The following REM2 variants were observed in gnomAD, a reference collection of about 807,000 sequenced individuals.
REM2 encodes the protein RRAD and GEM like GTPase 2.
Under a neutral mutation model 24.4 loss-of-function variants are expected in REM2, and 24 were observed. That is an observed-to-expected ratio of 0.98 (90% CI 0.71 to 1.38). REM2 has a LOEUF of 1.38. Ranked by LOEUF, REM2 falls within the 40% of genes most tolerant of loss-of-function variation. The pLI is 0.00. For synonymous variants in REM2, 187 were observed against 198.0 expected, an observed-to-expected ratio of 0.94 and a Z score of 0.47; for missense variants, 429 against 467.8, an observed-to-expected ratio of 0.92 and a Z score of 0.77.
At chr14:22,885,157 G>A (rs1454833083) in intron 2 of REM2, 109 bp from the exon 3 acceptor site, 2 of 1,365,228 alleles carry the variant, frequency 1.5e-6, no homozygotes, top group East Asian at 2.3e-5. Context: ...TCCCTGAAGA[G>A]GGGCAGGGTT....
Position 22,885,217 on chromosome 14 carries a change from T to C in REM2, c.446-49T>C, listed in dbSNP as rs375658016. ...CCCTGGTTACCAGGTCTCACAAATGTTGGGAAACCTCCTAATGGACTTTAT... is the reference window on the plus strand; with the variant it reads ...CCCTGGTTACCAGGTCTCACAAATGCTGGGAAACCTCCTAATGGACTTTAT... On this transcript the variant is annotated intron_variant, in intron 2 of 4. Coordinates refer to ENST00000267396, the MANE Select transcript of REM2 (RefSeq NM_173527.3). 49 of 1,553,840 alleles carry C rather than the reference T, an allele frequency of 3.2e-5. No individual in the cohort carries two copies. In the African/African-American group the frequency reaches 6.2e-4, roughly 20 times the overall value.
In REM2 at chr14:22,886,116, CA is replaced by C. The variant is rs1029117616; in HGVS notation, c.615del (p.Val206PhefsTer46). 6.2e-7 allele frequency: 1 copy of C among 1,613,882 alleles called. No individual in the cohort carries two copies. Among genetic ancestry groups the C allele is most frequent in the African/African-American group, 1.3e-5 (1 of 74,918 alleles). Reference sequence around the variant, plus strand: ...CAGTCACCGACCGACGGAGTTTCTCCAAAGTTCCAGAGACCCTACTTCGGCT... The same window carrying C: ...CAGTCACCGACCGACGGAGTTTCTCCAAGTTCCAGAGACCCTACTTCGGCT... ...FSVTDRRSFS[K>X]VPETLLRLRA... On this transcript the variant is annotated frameshift_variant, in exon 4 of 5. Coordinates refer to ENST00000267396, the MANE Select transcript of REM2 (RefSeq NM_173527.3). LOFTEE classifies it high-confidence loss of function. This position sits in a 1 kb window ranked among gnomAD's most constrained non-coding sequence, Gnocchi z 5.9.
chr14:22,885,025 G>C lies in REM2; in HGVS notation c.445+10G>C. The C allele has an allele frequency of 1.3e-6, 2 of 1,528,210 alleles. No homozygotes were observed. Among genetic ancestry groups the C allele is most frequent in the Non-Finnish European group, 1.8e-6 (2 of 1,137,702 alleles). 94.7% of individuals were successfully genotyped at this position (1,528,210 alleles called of 1,614,324 possible). On this transcript the variant is annotated intron_variant, in intron 2 of 4. Coordinates refer to ENST00000267396, the MANE Select transcript of REM2 (RefSeq NM_173527.3). ...GAACCGGAGAACCCAGGTATTTGGG[G>C]AAGCCCTCCAGGGGTTGAGGGGGCT...
Position 22,886,683 on chromosome 14 carries a change from C to A in REM2, c.797C>A (p.Thr266Lys). 6.7e-7 allele frequency: 1 copy of A among 1,497,208 alleles called. No individual in the cohort carries two copies. The highest frequency in any genetic ancestry group is 8.9e-7 in the Non-Finnish European group (1 of 1,125,082). 92.7% of individuals were successfully genotyped at this position (1,497,208 alleles called of 1,614,324 possible). Residue 266 changes from threonine to lysine, a missense_variant, in exon 5 of 5, where the codon ACG becomes AAG. Coordinates refer to ENST00000267396, the MANE Select transcript of REM2 (RefSeq NM_173527.3). This position sits in a 1 kb window ranked among gnomAD's most constrained non-coding sequence, Gnocchi z 5.9. ...ACGTCGGCCGCACTGCACCACAACA[C>A]GAGGGAGCTCTTCGAGGGCGCGGTG... ...IETSAALHHN[T>K]RELFEGAVRQ...
Position 22,884,762 on chromosome 14 carries a change from A to T in REM2, c.192A>T (p.Arg64Ser), listed in dbSNP as rs1412960896. Residue 64 changes from arginine to serine, a missense_variant, in exon 2 of 5, where the codon AGA becomes AGT. Coordinates refer to ENST00000267396, the MANE Select transcript of REM2 (RefSeq NM_173527.3). ...TACCCTCTGCCCCTGGGGCCCCCAG[A>T]CGAAGAGGCAGTATGCCTGTCCCCT... ...SGLPSAPGAPRRRGSMPVPYK... is the reference protein window; with the variant it reads ...SGLPSAPGAPSRRGSMPVPYK... The T allele has an allele frequency of 2.5e-6, 4 of 1,613,920 alleles. No individual in the cohort carries two copies. In the African/African-American group the frequency reaches 5.3e-5, roughly 22 times the overall value.
At chr14:22,884,380 G>A (rs966870133) in intron 1 of REM2, 3 of 985,354 alleles carry the variant, frequency 3.0e-6, no homozygotes, top group Admixed American at 6.1e-5. Context: ...TCAGTGTAAA[G>A]TGTGAGTGGG....
At position 22,886,660 on chromosome 14, in the gene REM2, G is replaced by A. The variant is rs761164586; in HGVS notation, c.774G>A (p.Thr258=). Residue 258 remains threonine (T), a synonymous_variant, in exon 5 of 5, where the codon ACG becomes ACA. Transcript: ENST00000267396. This position sits in a 1 kb window ranked among gnomAD's most constrained non-coding sequence, Gnocchi z 5.9. The part of the protein sequence containing the change: ...AGTLSCKHIE[T]SAALHHNTRE... ...CGCTGAGCTGCAAGCACATCGAGAC[G>A]TCGGCCGCACTGCACCACAACACGA... 24 of 1,463,246 alleles carry A rather than the reference G, an allele frequency of 1.6e-5. No homozygotes were observed. In the African/African-American group the frequency reaches 3.4e-4, roughly 21 times the overall value. The allele number at this position is 1,463,246 out of a possible 1,614,324, so 90.6% of individuals were successfully genotyped here.
chr14:22,884,628 A>C, intron 1 of REM2, 46 bp from the exon 2 acceptor site: 1 of 1,556,064 alleles, frequency 6.4e-7, no homozygotes, highest in East Asian at 2.3e-5. Context: ...GGTTGAGCAT[A>C]TCCCACTCAT....
At position 22,887,027 on chromosome 14, in the gene REM2, A is replaced by C; in HGVS notation, c.*118A>C. ...GTGGAGGCCGTCTAGGAAACCAAAAACTCCCAGGATGCCCCGGTGTGACCG... is the reference window on the plus strand; with the variant it reads ...GTGGAGGCCGTCTAGGAAACCAAAACCTCCCAGGATGCCCCGGTGTGACCG... On this transcript the variant is annotated 3_prime_UTR_variant, in exon 5 of 5. Coordinates refer to ENST00000267396, the MANE Select transcript of REM2 (RefSeq NM_173527.3). 9.8e-6 allele frequency: 9 copies of C among 921,778 alleles called. No individual in the cohort carries two copies. The highest frequency in any genetic ancestry group is 5.6e-5 in the South Asian group (2 of 35,862). The allele number at this position is 921,778 out of a possible 1,614,324, so 57.1% of individuals were successfully genotyped here. A position where few individuals can be genotyped will look rare whatever the true frequency, so the allele number is the denominator to read the frequency against.
chr14:22,884,076 TCACA>T, intron 1 of REM2: 13 of 958,600 alleles, frequency 1.4e-5, no homozygotes, highest in Non-Finnish European at 1.6e-5. Context: ...TCTCTCTCTC[TCACA>T]CACACACACA....
intron 1 of REM2, chr14:22,884,121 A>C: frequency 1.0e-6 from 1 of 985,126 alleles, no homozygotes; most frequent in Non-Finnish European, 1.2e-6. Flanking sequence ...CACGCACATC[A>C]TCTCAAAAAG....
rs1373409710 is a variant in REM2 at position 22,886,964 on chromosome 14, C to T, written c.*55C>T. Reference sequence around the variant, plus strand: ...CATGGTCACCGCGCCCTCCGCTCGCCCCCCCTCGCCCCGCCCCGCCCCCGT... The same window carrying T: ...CATGGTCACCGCGCCCTCCGCTCGCTCCCCCTCGCCCCGCCCCGCCCCCGT... On this transcript the variant is annotated 3_prime_UTR_variant, in exon 5 of 5. Coordinates refer to ENST00000267396, the MANE Select transcript of REM2 (RefSeq NM_173527.3). The surrounding 1 kb of genome is among the most constrained non-coding windows in gnomAD (Gnocchi z 5.9). The T allele has an allele frequency of 6.9e-6, 9 of 1,311,838 alleles. No homozygotes were observed. The East Asian group carries it at 2.1e-4, about 31-fold the overall frequency. 81.3% of individuals were successfully genotyped at this position (1,311,838 alleles called of 1,614,324 possible).
At position 22,885,638 on chromosome 14, in the gene REM2, C is replaced by A. The variant is rs528756585; in HGVS notation, c.519+299C>A. On this transcript the variant is annotated intron_variant, in intron 3 of 4. Coordinates refer to ENST00000267396, the MANE Select transcript of REM2 (RefSeq NM_173527.3). ...TTGACTCCATCCATAAATTTTTCAG[C>A]CTGAAGGAATCTGATGTGACAAGAC... is the stretch of plus-strand genomic sequence containing the variant. Among the ~76,000 whole-genome samples, 21 of 152,170 alleles carry A rather than the reference C, an allele frequency of 1.4e-4. No individual in the cohort carries two copies. In the South Asian group the frequency reaches 3.9e-3, roughly 29 times the overall value.
In REM2 at chr14:22,887,515, A is replaced by T. The variant is rs1033830162; in HGVS notation, c.*606A>T. ...TTCCTGAGATGGATTCTCTTGACTT[A>T]CCAGTCCACCACGGCACTTCCCCTT... On this transcript the variant is annotated 3_prime_UTR_variant, in exon 5 of 5. Coordinates refer to ENST00000267396, the MANE Select transcript of REM2 (RefSeq NM_173527.3). 2.0e-5 allele frequency: 3 copies of T among 152,206 alleles called. No individual in the cohort carries two copies. Among genetic ancestry groups the T allele is most frequent in the African/African-American group, 7.2e-5 (3 of 41,430 alleles). 9.4% of individuals were successfully genotyped at this position (152,206 alleles called of 1,614,324 possible).
In REM2 at chr14:22,886,316, T is replaced by C. The variant is rs2040127132; in HGVS notation, c.727+85T>C. ...TCACCTCTTCTCCCTAAGGCCTTTT[T>C]ACCATCGCGGACGCACTCACTTGCA... On this transcript the variant is annotated intron_variant, in intron 4 of 4. Coordinates refer to ENST00000267396, the MANE Select transcript of REM2 (RefSeq NM_173527.3). The surrounding 1 kb of genome is among the most constrained non-coding windows in gnomAD (Gnocchi z 5.9). 8.2e-7 allele frequency: 1 copy of C among 1,221,018 alleles called. No individual in the cohort carries two copies. The highest frequency in any genetic ancestry group is 1.2e-6 in the Non-Finnish European group (1 of 848,256). 75.6% of individuals were successfully genotyped at this position (1,221,018 alleles called of 1,614,324 possible). A position where few individuals can be genotyped will look rare whatever the true frequency, so the allele number is the denominator to read the frequency against.
In REM2 at chr14:22,884,067, C is replaced by T. The variant is rs575898269; in HGVS notation, c.104-607C>T. On this transcript the variant is annotated intron_variant, in intron 1 of 4. Coordinates refer to ENST00000267396, the MANE Select transcript of REM2 (RefSeq NM_173527.3). Reference sequence around the variant, plus strand: ...AGGGCCACGGGAAGCAGCAGCCCCTCTCTCTCTCTCACACACACACACAGA... The same window carrying T: ...AGGGCCACGGGAAGCAGCAGCCCCTTTCTCTCTCTCACACACACACACAGA... The T allele has an allele frequency of 1.3e-5, 13 of 984,784 alleles. No individual in the cohort carries two copies. The South Asian group carries it at 6.1e-4, about 46-fold the overall frequency. The allele number at this position is 984,784 out of a possible 1,614,324, so 61.0% of individuals were successfully genotyped here.
At position 22,886,275 on chromosome 14, in the gene REM2, T is replaced by G; in HGVS notation, c.727+44T>G. ...TTCCATACTTGCGATCTCAGGGGAA[T>G]GCTCTCCCTTCCAAGTCACCTCTTC... is the stretch of plus-strand genomic sequence containing the variant. On this transcript the variant is annotated intron_variant, in intron 4 of 4. Transcript: ENST00000267396. This position sits in a 1 kb window ranked among gnomAD's most constrained non-coding sequence, Gnocchi z 5.9. 3 of 1,526,014 alleles carry G rather than the reference T, an allele frequency of 2.0e-6. No individual in the cohort carries two copies. The highest frequency in any genetic ancestry group is 2.7e-6 in the Non-Finnish European group (3 of 1,116,476). 94.5% of individuals were successfully genotyped at this position (1,526,014 alleles called of 1,614,324 possible). A position where few individuals can be genotyped will look rare whatever the true frequency, so the allele number is the denominator to read the frequency against.
Position 22,885,691 on chromosome 14 carries a change from G to C in REM2, c.520-333G>C, listed in dbSNP as rs375558215. Among the ~76,000 whole-genome samples the C allele has an allele frequency of 1.1e-4, 16 of 152,268 alleles. No individual in the cohort carries two copies. The East Asian group carries it at 3.1e-3, about 29-fold the overall frequency. ...GAGCTCAGGGATCTGGAATATCAGG[G>C]AAGGGGGAAAAAAGTGAGGACTTCT... On this transcript the variant is annotated intron_variant, in intron 3 of 4. Coordinates refer to ENST00000267396, the MANE Select transcript of REM2 (RefSeq NM_173527.3).
Position 22,886,475 on chromosome 14 carries a change from G to A in REM2, c.728-139G>A. ...TCGCACCTCCACAGACCCACCATAT[G>A]AGCTCAGCCATGTTCTCTCGGTTGC... is the stretch of plus-strand genomic sequence containing the variant. On this transcript the variant is annotated intron_variant, in intron 4 of 4. Transcript: ENST00000267396. This position sits in a 1 kb window ranked among gnomAD's most constrained non-coding sequence, Gnocchi z 5.9. 1 of 832,506 alleles carries A rather than the reference G, an allele frequency of 1.2e-6. No individual in the cohort carries two copies. The highest frequency in any genetic ancestry group is 1.8e-6 in the Non-Finnish European group (1 of 548,046). The allele number at this position is 832,506 out of a possible 1,614,324, so 51.6% of individuals were successfully genotyped here.
Sources: gnomAD v4.1 joint callset for allele counts (sites outside exome capture counted in the v4.1 genomes callset) on GRCh38, gnomAD v4.1.1 for gene constraint, Gnocchi (gnomAD v3.1) non-coding constraint, MANE v1.5 for transcripts, NCBI Gene and HGNC (gene_info 2026-07-23, HGNC 2026-07-21) for gene names.